Variants in MMS22L observed in about 807,000 individuals in gnomAD.
MMS22L encodes the protein MMS22 like, DNA repair protein.
MMS22L carries 74 observed loss-of-function variants against 159.1 expected under a neutral mutation model. The ratio of observed to expected loss-of-function variants is 0.47; its 90% CI spans 0.39 to 0.56. MMS22L has a LOEUF of 0.56. MMS22L is among the 20% of genes least tolerant of loss of function. MMS22L has a pLI of 0.00. For missense variants in MMS22L, 1,351 were observed against 1,422.1 expected (o/e 0.95, Z 0.80); for synonymous variants, 517 against 506.9 (o/e 1.02, Z -0.27).
In MMS22L at chr6:97,146,679, A is replaced by G; in HGVS notation, c.*127T>C. ...ATACATTTTTTACTTACAGATATAAAAGGAAAAAAAATCCTAGAAATTATT... is the reference window on the plus strand; with the variant it reads ...ATACATTTTTTACTTACAGATATAAGAGGAAAAAAAATCCTAGAAATTATT... On this transcript the variant is annotated 3_prime_UTR_variant, in exon 25 of 25. Coordinates refer to ENST00000683635, the MANE Select transcript of MMS22L (RefSeq NM_001350599.2). The G allele has an allele frequency of 1.7e-6, 1 of 590,456 alleles. No individual in the cohort carries two copies. The allele number at this position is 590,456 out of a possible 1,614,324, so 36.6% of individuals were successfully genotyped here. A position where few individuals can be genotyped will look rare whatever the true frequency, so the allele number is the denominator to read the frequency against.
chr6:97,208,546 C>T (rs186404234), intron 14 of MMS22L, among the ~76,000 whole-genome samples: 312 of 152,080 alleles, frequency 2.1e-3, no homozygotes, highest in African/African-American at 7.2e-3. Flanking sequence ...CTTGGGGAAC[C>T]TGGAAACCCT....
At chr6:97,244,241 AC>A (rs1334074392) in intron 11 of MMS22L, among the ~76,000 whole-genome samples, 4 of 152,162 alleles carry the variant, frequency 2.6e-5, no homozygotes, top group Non-Finnish European at 5.9e-5. Context: ...CTGTGGTACT[AC>A]AGGGGGGACA....
At chr6:97,237,481 G>A (rs371737545) in intron 11 of MMS22L, among the ~76,000 whole-genome samples, 1 of 151,756 alleles carries the variant, frequency 6.6e-6, no homozygotes, top group Non-Finnish European at 1.5e-5. Flanking sequence ...CTTTCTTTAC[G>A]CTTTTATGGC....
At position 97,282,451 on chromosome 6, in the gene MMS22L, C is replaced by G; in HGVS notation, c.27G>C (p.Thr9=). 6.2e-7 allele frequency: 1 copy of G among 1,613,336 alleles called. No individual in the cohort carries two copies. The highest frequency in any genetic ancestry group is 1.3e-5 in the African/African-American group (1 of 74,768). ...CCAGCTCTAAGCTGTCAGTCAGGAACGTCGATGCAGCAGAACAGTTCTCCA... is the reference window on the plus strand; with the variant it reads ...CCAGCTCTAAGCTGTCAGTCAGGAAGGTCGATGCAGCAGAACAGTTCTCCA... MENCSAAS[T]FLTDSLELEL... The change falls in exon 2 of 25, where the codon ACG becomes ACC. Residue 9 remains threonine (T), a synonymous_variant. Coordinates refer to ENST00000683635, the MANE Select transcript of MMS22L (RefSeq NM_001350599.2).
At chr6:97,191,200 G>A (rs75874526) in intron 14 of MMS22L, among the ~76,000 whole-genome samples, 355 of 152,218 alleles carry the variant, frequency 2.3e-3, no homozygotes, top group Middle Eastern at 6.8e-3. Flanking sequence ...TATCATATGA[G>A]ACGCATGGAA....
chr6:97,277,796 C>T (rs1285552200), intron 4 of MMS22L, among the ~76,000 whole-genome samples: 2 of 152,188 alleles, frequency 1.3e-5, no homozygotes, highest in African/African-American at 2.4e-5. Context: ...TCCCTTCCTA[C>T]TCCCTCTTAC....
chr6:97,169,456 G>A (rs375694768), intron 19 of MMS22L, among the ~76,000 whole-genome samples: 3 of 151,892 alleles, frequency 2.0e-5, no homozygotes, highest in African/African-American at 4.8e-5. Flanking sequence ...AAGCAAAAAC[G>A]ATAAAATTCA....
chr6:97,239,315 A>G (rs1416875598), intron 11 of MMS22L, among the ~76,000 whole-genome samples: 1 of 152,218 alleles, frequency 6.6e-6, no homozygotes, highest in Non-Finnish European at 1.5e-5. Flanking sequence ...ACCCTTCCAT[A>G]ACCTTTATAA....
intron 22 of MMS22L, among the ~76,000 whole-genome samples, chr6:97,152,783 G>C (rs564323250): frequency 4.9e-5 from 7 of 143,226 alleles, no homozygotes; most frequent in African/African-American, 1.8e-4. Context: ...TTTAGATGCA[G>C]TTTCTTTTTT....
chr6:97,195,929 G>A (rs964560389), intron 14 of MMS22L, among the ~76,000 whole-genome samples: 1 of 152,182 alleles, frequency 6.6e-6, no homozygotes, highest in African/African-American at 2.4e-5. Flanking sequence ...GGAAGGAGCA[G>A]CCTGTCATTG....
In MMS22L at chr6:97,227,023, TG is replaced by T. The variant is rs553198914; in HGVS notation, c.2039+1870del. On this transcript the variant is annotated intron_variant, in intron 14 of 24. Transcript: ENST00000683635. Reference sequence around the variant, plus strand: ...GTGAAGCTGAGGAGACAGATTTACTTGTCACTTTATATCTCTTTTGTCCCCC... The same window carrying T: ...GTGAAGCTGAGGAGACAGATTTACTTTCACTTTATATCTCTTTTGTCCCCC... Among the ~76,000 whole-genome samples the T allele has an allele frequency of 3.8e-4, 58 of 152,310 alleles. No individual in the cohort carries two copies. The South Asian group carries it at 0.012, about 30-fold the overall frequency.
chr6:97,151,884 C>G lies in MMS22L; in HGVS notation c.3386-17G>C. 6.3e-7 allele frequency: 1 copy of G among 1,593,226 alleles called. No homozygotes were observed. On this transcript the variant is annotated splice_polypyrimidine_tract_variant and intron_variant, in intron 22 of 24. Coordinates refer to ENST00000683635, the MANE Select transcript of MMS22L (RefSeq NM_001350599.2). ...GCCTTTTAACTAGAAGGAAAAATTA[C>G]AGCATTAGGCACTGTGTCTGAATTG...
intron 14 of MMS22L, among the ~76,000 whole-genome samples, chr6:97,194,063 A>G (rs759531151): frequency 1.5e-5 from 2 of 130,522 alleles, no homozygotes; most frequent in Non-Finnish European, 3.2e-5. Context: ...GCCTGGCCTC[A>G]TTTGTTTATT....
intron 3 of MMS22L, among the ~76,000 whole-genome samples, chr6:97,279,224 C>T (rs1180502077): frequency 2.0e-5 from 3 of 152,224 alleles, no homozygotes; most frequent in Non-Finnish European, 2.9e-5. Context: ...TGGCTCTTGC[C>T]TGTAATCCCA....
At position 97,145,624 on chromosome 6, in the gene MMS22L, C is replaced by G. The variant is rs904479748; in HGVS notation, c.*1182G>C. The G allele has an allele frequency of 6.6e-6, 1 of 152,176 alleles. No homozygotes were observed. Among genetic ancestry groups the G allele is most frequent in the African/African-American group, 2.4e-5 (1 of 41,450 alleles). The allele number at this position is 152,176 out of a possible 1,614,324, so 9.4% of individuals were successfully genotyped here. ...CTAATCGTGTCTGTACATTTCCCAA[C>G]AGAATTTGGGCCACCAAATATTTTC... On this transcript the variant is annotated 3_prime_UTR_variant, in exon 25 of 25. Coordinates refer to ENST00000683635, the MANE Select transcript of MMS22L (RefSeq NM_001350599.2).
chr6:97,158,129 G>A (rs779539080), intron 22 of MMS22L, among the ~76,000 whole-genome samples: 3 of 152,102 alleles, frequency 2.0e-5, no homozygotes, highest in African/African-American at 4.8e-5. Context: ...AGTACTCTCC[G>A]ATGGTAGTTT....
At chr6:97,174,260 T>TAAAAAAAAAA (rs966525669) in intron 18 of MMS22L, among the ~76,000 whole-genome samples, 8 of 128,586 alleles carry the variant, frequency 6.2e-5, no homozygotes, top group East Asian at 2.4e-4. Context: ...AAAAAAAAAA[T>TAAAAAAAAAA]AAAAAAAAAA....
intron 14 of MMS22L, among the ~76,000 whole-genome samples, chr6:97,197,985 T>C (rs1264710492): frequency 2.0e-5 from 3 of 152,182 alleles, no homozygotes; most frequent in African/African-American, 4.8e-5. Flanking sequence ...TTTTAAAATA[T>C]GGCCACAATT....
chr6:97,188,744 G>A (rs1371559410), intron 14 of MMS22L, among the ~76,000 whole-genome samples: 2 of 152,078 alleles, frequency 1.3e-5, no homozygotes, highest in African/African-American at 2.4e-5. Context: ...TGGATCACTC[G>A]AGGCCAGCAG....
Sources: allele counts gnomAD v4.1 joint callset (sites outside exome capture counted in the v4.1 genomes callset), GRCh38; gene constraint gnomAD v4.1.1; transcripts MANE v1.5; gene names NCBI Gene and HGNC (gene_info 2026-07-23, HGNC 2026-07-21).